The following ENPP6 variants were observed in gnomAD, a reference collection of about 807,000 sequenced individuals.
The protein encoded by ENPP6 is glycerophosphocholine cholinephosphodiesterase ENPP6.
ENPP6 carries 32 observed loss-of-function variants against 42.0 expected under a neutral mutation model. The observed-to-expected ratio is 0.76, with a 90% CI of 0.58 to 1.02. The LOEUF (loss-of-function observed/expected upper bound fraction) is 1.02, where lower values mean the gene tolerates loss of function less well. ENPP6 is among the 50% of genes least tolerant of loss of function. The pLI is 0.00. For synonymous variants in ENPP6, 213 were observed against 216.0 expected, an observed-to-expected ratio of 0.99 and a Z score of 0.12; for missense variants, 552 against 566.8, an observed-to-expected ratio of 0.97 and a Z score of 0.27.
intron 3 of ENPP6, among the ~76,000 whole-genome samples, chr4:184,119,604 G>A (rs186779903): frequency 5.3e-5 from 8 of 152,164 alleles, no homozygotes; most frequent in African/African-American, 9.6e-5. Context: ...CCAAGCCTCC[G>A]TTTTCCCATC....
At position 184,173,835 on chromosome 4, in the gene ENPP6, C is replaced by T. The variant is rs373095661; in HGVS notation, c.242-20102G>A. 2.6e-5 allele frequency among the ~76,000 whole-genome samples: 4 copies of T among 152,244 alleles called. No individual in the cohort carries two copies. In the East Asian group the frequency reaches 7.7e-4, roughly 29 times the overall value. ...AAGGGCTTTACAATGCAGCCCTGGG[C>T]ATAAGAGAAGAATGAAACACGTCAC... On this transcript the variant is annotated intron_variant, in intron 1 of 7. Coordinates refer to ENST00000296741, the MANE Select transcript of ENPP6 (RefSeq NM_153343.4).
At chr4:184,098,224 C>T (rs1169941541) in intron 6 of ENPP6, among the ~76,000 whole-genome samples, 1 of 152,168 alleles carries the variant, frequency 6.6e-6, no homozygotes, top group African/African-American at 2.4e-5. Context: ...CACGCAGGTG[C>T]CGGCAGCCTG....
At chr4:184,206,974 G>A (rs1733011340) in intron 1 of ENPP6, among the ~76,000 whole-genome samples, 1 of 152,216 alleles carries the variant, frequency 6.6e-6, no homozygotes, top group South Asian at 2.1e-4. Flanking sequence ...GCCAGTTACT[G>A]TGTGAGAACG....
rs138734991 is a variant in ENPP6, at chr4:184,153,715, T to C, written c.260A>G (p.His87Arg). ...TLMTGRHCEV[H>R]QMIGNYMWDP... ...CCACATGTAGTTCCCGATCATCTGA[T>C]GGACTTCACAATGGCGGCCTATGTC... The change falls in exon 2 of 8, where the codon CAT becomes CGT. Residue 87 changes from histidine (H) to arginine (R), a missense_variant. His to Arg is a conservative substitution (Grantham distance 29). Coordinates refer to ENST00000296741, the MANE Select transcript of ENPP6 (RefSeq NM_153343.4). 9 of 1,613,996 alleles carry C rather than the reference T, an allele frequency of 5.6e-6. No individual in the cohort carries two copies. The highest frequency in any genetic ancestry group is 7.6e-6 in the Non-Finnish European group (9 of 1,180,002).
In ENPP6 at chr4:184,089,790, C is replaced by T. The variant is rs1305270483; in HGVS notation, c.*1387G>A. The T allele has an allele frequency of 6.6e-6, 1 of 152,026 alleles. No individual in the cohort carries two copies. Among genetic ancestry groups the T allele is most frequent in the Non-Finnish European group, 1.5e-5 (1 of 68,014 alleles). 9.4% of individuals were successfully genotyped at this position (152,026 alleles called of 1,614,324 possible). On this transcript the variant is annotated 3_prime_UTR_variant, in exon 8 of 8. Transcript: ENST00000296741. ...ATAGGTGTGAGCCACCATGCCCAGC[C>T]CAAACTCATTTTTTAATGCAGTGAT...
chr4:184,094,861 T>C (rs775439628), intron 7 of ENPP6, among the ~76,000 whole-genome samples: 7 of 152,186 alleles, frequency 4.6e-5, no homozygotes, highest in Non-Finnish European at 1.0e-4. Context: ...AGAGTGAGGC[T>C]CTCCTGCAGA....
chr4:184,102,824 C>T (rs1736028631), intron 6 of ENPP6, among the ~76,000 whole-genome samples: 7 of 152,356 alleles, frequency 4.6e-5, no homozygotes, highest in Admixed American at 4.6e-4. Flanking sequence ...ACCCTGAGCT[C>T]AGCCTGGACC....
chr4:184,103,202 G>A (rs886795109), intron 6 of ENPP6, among the ~76,000 whole-genome samples: 14 of 152,244 alleles, frequency 9.2e-5, no homozygotes, highest in Admixed American at 5.9e-4. Context: ...CTCAAAGGCC[G>A]GCGCCCATGG....
At chr4:184,141,727 T>A (rs4554119) in intron 2 of ENPP6, among the ~76,000 whole-genome samples, 1 of 151,850 alleles carries the variant, frequency 6.6e-6, no homozygotes, top group Non-Finnish European at 1.5e-5. Context: ...TAAAGGACAA[T>A]CAATGACAGC....
At chr4:184,200,524 G>A (rs376316921) in intron 1 of ENPP6, among the ~76,000 whole-genome samples, 10 of 152,190 alleles carry the variant, frequency 6.6e-5, no homozygotes, top group Admixed American at 2.6e-4. Context: ...CATCAATTGC[G>A]CACTCACTAA....
chr4:184,202,958 C>T lies in ENPP6; in HGVS notation c.241+14621G>A, dbSNP rs1005004963. On this transcript the variant is annotated intron_variant, in intron 1 of 7. Coordinates refer to ENST00000296741, the MANE Select transcript of ENPP6 (RefSeq NM_153343.4). ...CTACATTCTACTGATAAAATATTAA[C>T]ACTCACTGGACACAATGGCTCATGC... Among the ~76,000 whole-genome samples the T allele has an allele frequency of 3.3e-5, 5 of 152,166 alleles. No individual in the cohort carries two copies. In the East Asian group the frequency reaches 7.7e-4, roughly 23 times the overall value.
chr4:184,204,937 AT>A (rs987870015), intron 1 of ENPP6, among the ~76,000 whole-genome samples: 4 of 150,218 alleles, frequency 2.7e-5, no homozygotes, highest in African/African-American at 4.9e-5. Flanking sequence ...CGCTATAGTA[AT>A]TTTTTTTTTG....
chr4:184,141,182 GA>G, intron 2 of ENPP6, among the ~76,000 whole-genome samples: 1 of 152,202 alleles, frequency 6.6e-6, no homozygotes, highest in Non-Finnish European at 1.5e-5. Context: ...AATCAGACTG[GA>G]GGGGGAGTGT....
At chr4:184,131,183 T>TCTGTCTGTCTGTCTG (rs1560987202) in intron 2 of ENPP6, among the ~76,000 whole-genome samples, 2 of 64,792 alleles carry the variant, frequency 3.1e-5, no homozygotes, top group African/African-American at 1.3e-4. Context: ...CTTTCTTTCT[T>TCTGTCTGTCTGTCTG]TCTTTCTTTC....
Position 184,198,787 on chromosome 4 carries a change from C to A in ENPP6, c.241+18792G>T, listed in dbSNP as rs1308673549. Among the ~76,000 whole-genome samples, 12 of 152,292 alleles carry A rather than the reference C, an allele frequency of 7.9e-5. 1 individual carries two copies. The highest frequency in any genetic ancestry group is 7.2e-4 in the Admixed American group (11 of 15,294). ...GATACAAATTTTTCACTTAATATTG[C>A]AAATAGGTAAGTAATCCACATTGTT... On this transcript the variant is annotated intron_variant, in intron 1 of 7. Transcript: ENST00000296741.
chr4:184,109,174 G>A (rs1246217916), intron 6 of ENPP6, among the ~76,000 whole-genome samples: 1 of 151,916 alleles, frequency 6.6e-6, no homozygotes, highest in African/African-American at 2.4e-5. Flanking sequence ...TCGCACCACC[G>A]CACTCCAGCC....
chr4:184,124,414 C>T (rs1294799284), intron 2 of ENPP6, 142 bp from the exon 3 acceptor site: 4 of 610,314 alleles, frequency 6.6e-6, no homozygotes, highest in South Asian at 4.1e-5. Flanking sequence ...TAACTTATTG[C>T]TAATAAGTGG....
chr4:184,177,723 C>G (rs1732463164), intron 1 of ENPP6, among the ~76,000 whole-genome samples: 1 of 152,168 alleles, frequency 6.6e-6, no homozygotes, highest in South Asian at 2.1e-4. Context: ...GTGGGAGGAA[C>G]CCAAGCGAAT....
chr4:184,136,323 G>A (rs963682044), intron 2 of ENPP6, among the ~76,000 whole-genome samples: 4 of 151,864 alleles, frequency 2.6e-5, no homozygotes, highest in Admixed American at 6.6e-5. Flanking sequence ...CCCATCTTCT[G>A]TGCTTCTATT....
Sources: gnomAD v4.1 joint callset for allele counts (sites outside exome capture counted in the v4.1 genomes callset) on GRCh38, gnomAD v4.1.1 for gene constraint, MANE v1.5 for transcripts, NCBI Gene and HGNC (gene_info 2026-07-23, HGNC 2026-07-21) for gene names.